The following MTUS2 variants were observed in gnomAD, a reference collection of about 807,000 sequenced individuals.
The protein encoded by MTUS2 is microtubule associated scaffold protein 2, also known as microtubule-associated tumor suppressor candidate 2.
Under a neutral mutation model 114.1 loss-of-function variants are expected in MTUS2, and 40 were observed. The observed-to-expected ratio is 0.35, with a 90% CI of 0.27 to 0.46. The LOEUF (loss-of-function observed/expected upper bound fraction) is 0.46, where lower values mean the gene tolerates loss of function less well. Ranked by LOEUF, MTUS2 falls within the 20% of genes least tolerant of loss-of-function variation. The pLI, the probability that MTUS2 is intolerant of heterozygous loss-of-function variation, is 1.00. For missense variants in MTUS2, 1,679 were observed against 1,705.4 expected, an observed-to-expected ratio of 0.98 and a Z score of 0.27; for synonymous variants, 688 against 672.0, an observed-to-expected ratio of 1.02 and a Z score of -0.37.
intron 4 of MTUS2, among the ~76,000 whole-genome samples, chr13:29,045,516 A>C (rs796708252): frequency 2.6e-5 from 4 of 152,190 alleles, no homozygotes; most frequent in Non-Finnish European, 5.9e-5. Context: ...CATTCAGTTC[A>C]TAGCAGCAGG....
chr13:29,481,707 C>T (rs868846888), intron 10 of MTUS2, among the ~76,000 whole-genome samples: 4 of 146,228 alleles, frequency 2.7e-5, no homozygotes, highest in South Asian at 2.4e-4. Context: ...CAGAGTAATA[C>T]TAATTACTGT....
chr13:29,387,135 T>G (rs932051217), intron 8 of MTUS2, among the ~76,000 whole-genome samples: 2 of 152,154 alleles, frequency 1.3e-5, no homozygotes, highest in African/African-American at 4.8e-5. Context: ...ACCTGAAAGA[T>G]ATGCGTAAAT....
intron 4 of MTUS2, among the ~76,000 whole-genome samples, chr13:29,050,046 A>C (rs1649192694): frequency 6.6e-6 from 1 of 152,192 alleles, no homozygotes; most frequent in Non-Finnish European, 1.5e-5. Flanking sequence ...ACAGCTGGAC[A>C]GGAAGAACTG....
chr13:28,994,327 G>C (rs550450776), intron 2 of MTUS2, among the ~76,000 whole-genome samples: 1 of 152,266 alleles, frequency 6.6e-6, no homozygotes, highest in African/African-American at 2.4e-5. Context: ...TTGGTTCCAA[G>C]TCTTTGCTAG....
intron 2 of MTUS2, among the ~76,000 whole-genome samples, chr13:28,985,585 T>C (rs1198192137): frequency 3.9e-5 from 6 of 152,064 alleles, no homozygotes; most frequent in Non-Finnish European, 5.9e-5. Context: ...TTAAAAAGCT[T>C]TATCTTTGGT....
chr13:29,165,320 A>G (rs917364720), intron 5 of MTUS2, among the ~76,000 whole-genome samples: 2 of 152,164 alleles, frequency 1.3e-5, no homozygotes, highest in African/African-American at 2.4e-5. Flanking sequence ...TCTTAACTAG[A>G]TAAACCTTCG....
At chr13:29,332,238 CT>C (rs1900816290) in intron 7 of MTUS2, among the ~76,000 whole-genome samples, 1 of 152,076 alleles carries the variant, frequency 6.6e-6, no homozygotes, top group Non-Finnish European at 1.5e-5. Flanking sequence ...AATTTCAGAA[CT>C]TGTTATTGAT....
At chr13:29,269,089 A>G (rs1897780022) in intron 5 of MTUS2, among the ~76,000 whole-genome samples, 1 of 152,214 alleles carries the variant, frequency 6.6e-6, no homozygotes, top group African/African-American at 2.4e-5. Context: ...TGTCTCAGGA[A>G]CATGCTCAGT....
chr13:29,442,027 G>A (rs1269483173), intron 9 of MTUS2, among the ~76,000 whole-genome samples: 1 of 152,150 alleles, frequency 6.6e-6, no homozygotes, highest in Non-Finnish European at 1.5e-5. Flanking sequence ...CAAAGAACAG[G>A]TTTCACCTCT....
At chr13:29,177,671 T>C (rs972066556) in intron 5 of MTUS2, among the ~76,000 whole-genome samples, 27 of 152,154 alleles carry the variant, frequency 1.8e-4, no homozygotes, top group Non-Finnish European at 3.7e-4. Flanking sequence ...AAAAAACAGG[T>C]AATCCTACTT....
At position 29,295,904 on chromosome 13, in the gene MTUS2, G is replaced by A. The variant is rs927425590; in HGVS notation, c.2806+14039G>A. 5.3e-5 allele frequency among the ~76,000 whole-genome samples: 8 copies of A among 152,096 alleles called. No homozygotes were observed. The East Asian group carries it at 1.5e-3, about 29-fold the overall frequency. The stretch of plus-strand genomic sequence containing the variant: ...CATGAGAACAGCACGGGAAAAACTT[G>A]CCCCCATGATTCAATTACCTCCCAC... On this transcript the variant is annotated intron_variant, in intron 6 of 15. Coordinates refer to ENST00000612955, the MANE Select transcript of MTUS2 (RefSeq NM_001033602.4).
intron 2 of MTUS2, among the ~76,000 whole-genome samples, chr13:28,919,401 C>T (rs1344099576): frequency 1.3e-5 from 2 of 152,098 alleles, no homozygotes; most frequent in African/African-American, 4.8e-5. Flanking sequence ...ATGCCACTCT[C>T]TCTCGCCCTG....
At chr13:29,078,547 T>C (rs969065058) in intron 4 of MTUS2, among the ~76,000 whole-genome samples, 1 of 152,252 alleles carries the variant, frequency 6.6e-6, no homozygotes, top group African/African-American at 2.4e-5. Flanking sequence ...TAGTGGTTTT[T>C]AGTATATTCA....
chr13:29,279,702 C>T (rs1898195265), intron 5 of MTUS2, among the ~76,000 whole-genome samples: 1 of 152,172 alleles, frequency 6.6e-6, no homozygotes, highest in South Asian at 2.1e-4. Context: ...AGCCCTCCCT[C>T]AGAGGGAAGT....
chr13:28,923,584 G>A (rs112093516), intron 2 of MTUS2, among the ~76,000 whole-genome samples: 4 of 152,164 alleles, frequency 2.6e-5, no homozygotes, highest in Non-Finnish European at 4.4e-5. Flanking sequence ...AGGCCAGGAC[G>A]CCTTGCCCCT....
At chr13:28,987,208 G>T (rs1884627382) in intron 2 of MTUS2, among the ~76,000 whole-genome samples, 1 of 152,196 alleles carries the variant, frequency 6.6e-6, no homozygotes, top group Non-Finnish European at 1.5e-5. Context: ...CCTTGAGTGT[G>T]CAGGAAATCT....
chr13:28,869,752 AGAGC>A (rs1380155515), intron 2 of MTUS2, among the ~76,000 whole-genome samples: 2 of 152,212 alleles, frequency 1.3e-5, no homozygotes, highest in African/African-American at 4.8e-5. Context: ...GCCTGGTGAC[AGAGC>A]GAGACTCTGT....
At chr13:29,423,810 T>C (rs1295478692) in intron 8 of MTUS2, among the ~76,000 whole-genome samples, 1 of 152,102 alleles carries the variant, frequency 6.6e-6, no homozygotes. Flanking sequence ...TATAGTTAGA[T>C]AGAATAAGTT....
chr13:28,890,976 C>G (rs539912456), intron 2 of MTUS2, among the ~76,000 whole-genome samples: 4 of 152,154 alleles, frequency 2.6e-5, no homozygotes, highest in Admixed American at 6.5e-5. Flanking sequence ...CCATTACAGC[C>G]CTTTGCATAA....
Sources: allele counts gnomAD v4.1 joint callset (sites outside exome capture counted in the v4.1 genomes callset), GRCh38; gene constraint gnomAD v4.1.1; transcripts MANE v1.5; gene names NCBI Gene and HGNC (gene_info 2026-07-23, HGNC 2026-07-21).